Variants in CFAP58 observed in about 807,000 individuals in gnomAD.
CFAP58 encodes cilia- and flagella-associated protein 58.
A neutral mutation model predicts 119.5 loss-of-function variants in CFAP58; 88 were observed. The ratio of observed to expected loss-of-function variants is 0.74; its 90% CI spans 0.62 to 0.88. The LOEUF is 0.88. Among genes scored for constraint, CFAP58 ranks in the 40% least tolerant of loss-of-function variants. The pLI is 0.00. For missense variants in CFAP58, 990 were observed against 1,021.2 expected (o/e 0.97, Z 0.42); for synonymous variants, 365 against 366.3 (o/e 1.00, Z 0.04).
intron 14 of CFAP58, among the ~76,000 whole-genome samples, chr10:104,404,617 C>T (rs543688659): frequency 1.7e-3 from 252 of 147,716 alleles, no homozygotes; most frequent in African/African-American, 5.4e-3. Flanking sequence ...TTTTGTTTTT[C>T]TTTTTTTTTT....
chr10:104,439,835 T>G (rs1339952801), intron 15 of CFAP58, among the ~76,000 whole-genome samples: 1 of 152,260 alleles, frequency 6.6e-6, no homozygotes, highest in African/African-American at 2.4e-5. Flanking sequence ...CTATTTTTTT[T>G]TTGAGACGGA....
Position 104,409,828 on chromosome 10 carries a change from C to T in CFAP58, c.2256+3035C>T, listed in dbSNP as rs59473621. On this transcript the variant is annotated intron_variant, in intron 15 of 17. Transcript: ENST00000369704. ...CTTTTAAACTTTTGGTGTCTTTGTA[C>T]TTTAGGAATATCTCTTGTAATTAAA... Among the ~76,000 whole-genome samples, 446 of 151,480 alleles carry T rather than the reference C, an allele frequency of 2.9e-3. 3 individuals carry two copies. Among genetic ancestry groups the T allele is most frequent in the African/African-American group, 0.01 (424 of 41,238 alleles).
At position 104,365,011 on chromosome 10, in the gene CFAP58, C is replaced by T. The variant is rs2014723629; in HGVS notation, c.597+122C>T. The T allele has an allele frequency of 9.0e-6, 8 of 889,970 alleles. No individual in the cohort carries two copies. The South Asian group carries it at 1.3e-4, about 15-fold the overall frequency. 55.1% of individuals were successfully genotyped at this position (889,970 alleles called of 1,614,324 possible). A position where few individuals can be genotyped will look rare whatever the true frequency, so the allele number is the denominator to read the frequency against. On this transcript the variant is annotated intron_variant, in intron 4 of 17. Transcript: ENST00000369704. ...CCCCCTAGCGCCCAAATGAAACATC[C>T]TCAGTTCTGCTTGTTTCTTTAGTTT... is the stretch of plus-strand genomic sequence containing the variant.
intron 9 of CFAP58, among the ~76,000 whole-genome samples, chr10:104,389,912 T>C (rs1206658618): frequency 1.3e-5 from 2 of 152,166 alleles, no homozygotes; most frequent in African/African-American, 4.8e-5. Flanking sequence ...CTAAATGAAA[T>C]TCCAGCAAAC....
chr10:104,416,231 C>T (rs2012551225), intron 15 of CFAP58, among the ~76,000 whole-genome samples: 1 of 152,204 alleles, frequency 6.6e-6, no homozygotes, highest in South Asian at 2.1e-4. Flanking sequence ...TGGAAGCACA[C>T]TACCTAATGA....
At chr10:104,384,512 G>A (rs2011882377) in intron 9 of CFAP58, among the ~76,000 whole-genome samples, 2 of 152,210 alleles carry the variant, frequency 1.3e-5, no homozygotes, top group Non-Finnish European at 2.9e-5. Flanking sequence ...CAAAGAAAGA[G>A]AATGGCTTCT....
At chr10:104,361,869 G>A (rs1215278046) in intron 2 of CFAP58, among the ~76,000 whole-genome samples, 154 bp from the exon 3 acceptor site, 2 of 152,144 alleles carry the variant, frequency 1.3e-5, no homozygotes, top group African/African-American at 4.8e-5. Context: ...CTCTTTCAGT[G>A]TGCTATTCAC....
At chr10:104,385,953 C>T (rs143131959) in intron 9 of CFAP58, among the ~76,000 whole-genome samples, 147 of 152,064 alleles carry the variant, frequency 9.7e-4, no homozygotes, top group African/African-American at 3.1e-3. Flanking sequence ...GCCTAGTTAC[C>T]CTTTTTTGTT....
At chr10:104,357,838 C>CATATAT (rs1564875468) in intron 1 of CFAP58, among the ~76,000 whole-genome samples, 8 of 71,934 alleles carry the variant, frequency 1.1e-4, no homozygotes, top group Admixed American at 4.6e-4. Context: ...CATATATGTA[C>CATATAT]ACATATGTAC....
chr10:104,391,984 C>G (rs1203596078), intron 9 of CFAP58, among the ~76,000 whole-genome samples: 2 of 151,322 alleles, frequency 1.3e-5, no homozygotes, highest in South Asian at 2.1e-4. Flanking sequence ...TTTTTTCTTT[C>G]TTGTGATCAC....
At chr10:104,432,246 T>C (rs1253341163) in intron 15 of CFAP58, among the ~76,000 whole-genome samples, 2 of 152,186 alleles carry the variant, frequency 1.3e-5, no homozygotes, top group Non-Finnish European at 2.9e-5. Flanking sequence ...CAGAGAAAGT[T>C]CACTATCCTT....
Position 104,364,738 on chromosome 10 carries a change from G to T in CFAP58, c.446G>T (p.Arg149Leu). 2 of 1,612,648 alleles carry T rather than the reference G, an allele frequency of 1.2e-6. No homozygotes were observed. Among genetic ancestry groups the T allele is most frequent in the Non-Finnish European group, 8.5e-7 (1 of 1,179,368 alleles). The change falls in exon 4 of 18, where the codon CGA (arginine) becomes CTA (leucine). Residue 149 changes from arginine to leucine, a missense_variant. Coordinates refer to ENST00000369704, the MANE Select transcript of CFAP58 (RefSeq NM_001008723.2). ...CCTGTGTTCTTCCTTTTTAGCATCC[G>T]AGATTTACTGAGGTTCAAAGAAGAA... is the stretch of plus-strand genomic sequence containing the variant. ...GLSMDQHSNI[R>L]DLLRFKEEVT...
chr10:104,434,409 A>G (rs1009721418), intron 15 of CFAP58, among the ~76,000 whole-genome samples: 2 of 152,184 alleles, frequency 1.3e-5, no homozygotes, highest in Non-Finnish European at 2.9e-5. Flanking sequence ...CCCAGGCTTC[A>G]ATGAGCATAG....
At chr10:104,354,861 C>A (rs555467011) in intron 1 of CFAP58, among the ~76,000 whole-genome samples, 1 of 152,322 alleles carries the variant, frequency 6.6e-6, no homozygotes, top group East Asian at 1.9e-4. Flanking sequence ...ATGAAGCCAG[C>A]CCAAGCCCCA....
In CFAP58 at chr10:104,358,581, C is replaced by T. The variant is rs746910852; in HGVS notation, c.250C>T (p.Leu84Phe). ...NSAKVATALKLSQDDQTTIAS... is the reference protein window; with the variant it reads ...NSAKVATALKFSQDDQTTIAS... ...TGCGAAGGTCGCCACTGCCCTTAAG[C>T]TCTCTCAGGATGATCAGACCACCAT... Residue 84 changes from leucine to phenylalanine, a missense_variant, in exon 2 of 18, where the codon CTC becomes TTC. Physicochemically the swap from Leu to Phe is conservative, Grantham distance 22. Transcript: ENST00000369704. 1.2e-6 allele frequency: 2 copies of T among 1,613,962 alleles called. No individual in the cohort carries two copies. The highest frequency in any genetic ancestry group is 2.7e-5 in the African/African-American group (2 of 74,888).
upstream of CFAP58, among the ~76,000 whole-genome samples, chr10:104,349,123 C>G (rs1263890753): frequency 1.3e-5 from 2 of 152,142 alleles, no homozygotes; most frequent in Non-Finnish European, 1.5e-5. Context: ...TGGTGTGCAC[C>G]TGTAGTCCCA....
chr10:104,447,658 G>A lies in CFAP58; in HGVS notation c.2257-40G>A, dbSNP rs190471462. 1.7e-5 allele frequency: 27 copies of A among 1,606,850 alleles called. No individual in the cohort carries two copies. The South Asian group carries it at 2.1e-4, about 13-fold the overall frequency. On this transcript the variant is annotated intron_variant, in intron 15 of 17. Coordinates refer to ENST00000369704, the MANE Select transcript of CFAP58 (RefSeq NM_001008723.2). ...TGAAAGGCATTTTCCCTGTTTTGAC[G>A]GGGCTGTTTATCTCTGCTCCTGGTT... is the stretch of plus-strand genomic sequence containing the variant.
intron 5 of CFAP58, among the ~76,000 whole-genome samples, chr10:104,366,245 T>C (rs937634486): frequency 6.6e-6 from 1 of 152,180 alleles, no homozygotes; most frequent in Non-Finnish European, 1.5e-5. Flanking sequence ...TTTAACCTTC[T>C]ATTGATCTAT....
At chr10:104,368,154 C>G (rs1215763444) in intron 5 of CFAP58, among the ~76,000 whole-genome samples, 1 of 152,222 alleles carries the variant, frequency 6.6e-6, no homozygotes, top group Non-Finnish European at 1.5e-5. Flanking sequence ...ATTTATCCAC[C>G]ACCTGTGAAC....
Sources: gnomAD v4.1 joint callset for allele counts (sites outside exome capture counted in the v4.1 genomes callset) on GRCh38, gnomAD v4.1.1 for gene constraint, MANE v1.5 for transcripts, NCBI Gene and HGNC (gene_info 2026-07-23, HGNC 2026-07-21) for gene names.